Variants in CACNA2D3 observed in about 807,000 individuals in gnomAD.
CACNA2D3 encodes voltage-dependent calcium channel subunit alpha-2/delta-3.
Under a neutral mutation model 160.6 loss-of-function variants are expected in CACNA2D3, and 60 were observed. That is an observed-to-expected ratio of 0.37 (90% confidence interval 0.30 to 0.46). The LOEUF (loss-of-function observed/expected upper bound fraction) is 0.46. Among genes scored for constraint, CACNA2D3 ranks in the 20% least tolerant of loss-of-function variants. The pLI is 1.00. For synonymous variants in CACNA2D3, 558 were observed against 492.9 expected (o/e 1.13, Z -1.75); for missense variants, 1,205 against 1,365.0 (o/e 0.88, Z 1.85).
At chr3:55,007,955 A>G in intron 33 of CACNA2D3, 113 bp downstream of exon 33, 2 of 655,456 alleles carry the variant, frequency 3.1e-6, no homozygotes, top group Non-Finnish European at 4.9e-6. Flanking sequence ...GATTCCTAGT[A>G]CTCTGAGATA....
intron 13 of CACNA2D3, among the ~76,000 whole-genome samples, chr3:54,785,174 G>GAATA (rs1702612596): frequency 6.6e-6 from 1 of 152,214 alleles, no homozygotes; most frequent in Non-Finnish European, 1.5e-5. Flanking sequence ...CCCATTGTTA[G>GAATA]AATATCTTGA....
At chr3:54,142,828 A>G (rs1410709933) in intron 2 of CACNA2D3, among the ~76,000 whole-genome samples, 1 of 152,178 alleles carries the variant, frequency 6.6e-6, no homozygotes, top group East Asian at 1.9e-4. Flanking sequence ...CACAATGGGC[A>G]TTTTGACTCC....
At chr3:54,375,537 A>G (rs1039574758) in intron 3 of CACNA2D3, among the ~76,000 whole-genome samples, 1 of 152,138 alleles carries the variant, frequency 6.6e-6, no homozygotes, top group Non-Finnish European at 1.5e-5. Flanking sequence ...TGGGACAAGA[A>G]TATCCTTGGT....
At chr3:54,309,558 C>T (rs73841956) in intron 2 of CACNA2D3, among the ~76,000 whole-genome samples, 2,681 of 152,214 alleles carry the variant, frequency 0.018, 81 homozygotes, top group African/African-American at 0.059. Context: ...CAGCTGCTCT[C>T]GGGGACAGCC....
intron 11 of CACNA2D3, among the ~76,000 whole-genome samples, chr3:54,657,148 C>T (rs1241406862): frequency 6.6e-6 from 1 of 152,104 alleles, no homozygotes; most frequent in Non-Finnish European, 1.5e-5. Context: ...GAAGGAATTT[C>T]ACAAGACAAT....
intron 11 of CACNA2D3, among the ~76,000 whole-genome samples, chr3:54,686,297 T>C (rs77100479): frequency 6.2e-4 from 94 of 152,316 alleles, no homozygotes; most frequent in African/African-American, 1.5e-3. Context: ...GCCTAAAATA[T>C]TTAGAGATAA....
intron 27 of CACNA2D3, among the ~76,000 whole-genome samples, chr3:54,965,531 G>T (rs58777922): frequency 0.013 from 1,905 of 152,260 alleles, 39 homozygotes; most frequent in African/African-American, 0.044. Context: ...CTCTAGTGTA[G>T]CTTTTACAAT....
At position 54,736,055 on chromosome 3, in the gene CACNA2D3, ATGTATG is replaced by A. The variant is rs1482752455; in HGVS notation, c.1168-16542_1168-16537del. The stretch of plus-strand genomic sequence containing the variant: ...TATATGTATATATATACACATACAT[ATGTATG>A]TATATATATATACATATATATGTAT... On this transcript the variant is annotated intron_variant, in intron 11 of 37. Coordinates refer to ENST00000474759, the MANE Select transcript of CACNA2D3 (RefSeq NM_018398.3). 3.0e-3 allele frequency among the ~76,000 whole-genome samples: 131 copies of A among 43,378 alleles called. 6 individuals are homozygous for A. The highest frequency in any genetic ancestry group is 0.014 in the Middle Eastern group (1 of 72). The allele number at this position is 43,378 out of a possible 152,430, so 28.5% of individuals were successfully genotyped here. A position where few individuals can be genotyped will look rare whatever the true frequency, so the allele number is the denominator to read the frequency against.
chr3:54,894,795 T>G, intron 25 of CACNA2D3: 1 of 402,982 alleles, frequency 2.5e-6, no homozygotes, highest in Non-Finnish European at 5.0e-6. Flanking sequence ...TCAGTATTCC[T>G]GAAGCCTGAT....
intron 14 of CACNA2D3, among the ~76,000 whole-genome samples, chr3:54,819,363 T>C (rs1303485063): frequency 6.6e-6 from 1 of 152,224 alleles, no homozygotes; most frequent in Non-Finnish European, 1.5e-5. Flanking sequence ...CCTCAAAATA[T>C]AGAGTTCTTA....
chr3:54,867,880 G>A (rs1430618136), intron 17 of CACNA2D3, among the ~76,000 whole-genome samples: 1 of 152,222 alleles, frequency 6.6e-6, no homozygotes, highest in Admixed American at 6.5e-5. Context: ...ACATCCTGGA[G>A]CGATGTGGGC....
chr3:54,588,135 A>T (rs1702796546), intron 9 of CACNA2D3, among the ~76,000 whole-genome samples: 1 of 152,260 alleles, frequency 6.6e-6, no homozygotes, highest in Admixed American at 6.5e-5. Context: ...GATTATTGAG[A>T]TATGCAAAGC....
At position 54,804,961 on chromosome 3, in the gene CACNA2D3, G is replaced by T. The variant is rs1432062132; in HGVS notation, c.1381-11892G>T. ...TGCTCCTGAATGACTACTGGGTACA[G>T]AACGAAATGAAGGCAGAAATAAAGA... On this transcript the variant is annotated intron_variant, in intron 13 of 37. Coordinates refer to ENST00000474759, the MANE Select transcript of CACNA2D3 (RefSeq NM_018398.3). 2.6e-4 allele frequency among the ~76,000 whole-genome samples: 39 copies of T among 152,232 alleles called. No homozygotes were observed. In the South Asian group the frequency reaches 2.7e-3, roughly 11 times the overall value.
intron 4 of CACNA2D3, among the ~76,000 whole-genome samples, chr3:54,490,980 A>G (rs1383953941): frequency 2.0e-5 from 3 of 152,122 alleles, no homozygotes; most frequent in African/African-American, 7.2e-5. Flanking sequence ...CAGTTACTCC[A>G]CGTTACAGAT....
chr3:54,871,182 GACACACACACACACACACACACAC>G (rs376258511), intron 17 of CACNA2D3, among the ~76,000 whole-genome samples: 2 of 127,712 alleles, frequency 1.6e-5, no homozygotes, highest in Non-Finnish European at 3.3e-5. Flanking sequence ...TATAGGTGGA[GACACACACACACACACACACACAC>G]ACACACACAC....
chr3:54,535,818 C>T (rs1701880351), intron 5 of CACNA2D3, among the ~76,000 whole-genome samples: 1 of 152,210 alleles, frequency 6.6e-6, no homozygotes, highest in South Asian at 2.1e-4. Context: ...ATGGACAGGT[C>T]ACCTGTCGGG....
At chr3:54,952,686 A>T (rs1184321670) in intron 27 of CACNA2D3, among the ~76,000 whole-genome samples, 4 of 152,184 alleles carry the variant, frequency 2.6e-5, no homozygotes, top group Non-Finnish European at 5.9e-5. Flanking sequence ...CATGGGTTCA[A>T]ATTCTGGTGC....
intron 2 of CACNA2D3, among the ~76,000 whole-genome samples, chr3:54,303,193 ATGGAGAGCACATTGCTTTTCTTCTC>A (rs1242849462): frequency 2.0e-5 from 3 of 152,128 alleles, no homozygotes; most frequent in African/African-American, 7.2e-5. Flanking sequence ...CTCTGGGTGG[ATGGAGAGCACATTGCTTTTCTTCTC>A]TGGAGTAGTC....
chr3:54,187,579 A>G (rs1410066610), intron 2 of CACNA2D3, among the ~76,000 whole-genome samples: 1 of 152,100 alleles, frequency 6.6e-6, no homozygotes, highest in Admixed American at 6.5e-5. Context: ...GCAGTCAGGA[A>G]GGGCTTCCCG....
Sources: allele counts gnomAD v4.1 joint callset (sites outside exome capture counted in the v4.1 genomes callset), GRCh38; gene constraint gnomAD v4.1.1; transcripts MANE v1.5; gene names NCBI Gene and HGNC (gene_info 2026-07-23, HGNC 2026-07-21).